PLEKHF1: variants seen among roughly 807,000 people sequenced by gnomAD.
The protein encoded by PLEKHF1 is pleckstrin homology and FYVE domain containing 1.
PLEKHF1 carries 1 observed loss-of-function variant against 4.1 expected under a neutral mutation model. The ratio of observed to expected loss-of-function variants is 0.24; its 90% confidence interval spans 0.09 to 1.15. The LOEUF is 1.15. PLEKHF1 is among the 50% of genes most tolerant of loss of function. PLEKHF1 has a pLI of 0.52. For synonymous variants in PLEKHF1, 182 were observed against 178.5 expected, an observed-to-expected ratio of 1.02 and a Z score of -0.16; for missense variants, 429 against 400.6, an observed-to-expected ratio of 1.07 and a Z score of -0.60.
rs1971633123 is a variant in PLEKHF1 at position 29,671,674 on chromosome 19, G to A, written c.-16-2150G>A. On this transcript the variant is annotated intron_variant, in intron 1 of 1. Transcript: ENST00000436066. The surrounding 1 kb of genome is among the most constrained non-coding windows in gnomAD (Gnocchi z 4.0). ...GCAGTTCTTACGTAAGGTAGTGTGG[G>A]CAGCCCTTCTCAGGACACTTGTGAT... 6.6e-6 allele frequency among the ~76,000 whole-genome samples: 1 copy of A among 152,140 alleles called. No individual in the cohort carries two copies. The highest frequency in any genetic ancestry group is 6.5e-5 in the Admixed American group (1 of 15,284).
At chr19:29,665,951 G>C (rs998604705) in intron 1 of PLEKHF1, among the ~76,000 whole-genome samples, 3 of 152,116 alleles carry the variant, frequency 2.0e-5, no homozygotes, top group African/African-American at 7.2e-5. Flanking sequence ...TGTCCCCCTG[G>C]GCAGGGGCGC....
Position 29,671,092 on chromosome 19 carries a change from T to C in PLEKHF1, c.-16-2732T>C, listed in dbSNP as rs1193454105. ...ACTTGTTATTTATTTTTTGTTTTGT[T>C]TTTTTCCCCTCCTTTTTTTTTTTTT... On this transcript the variant is annotated intron_variant, in intron 1 of 1. Coordinates refer to ENST00000436066, the MANE Select transcript of PLEKHF1 (RefSeq NM_024310.5). This position sits in a 1 kb window ranked among gnomAD's most constrained non-coding sequence, Gnocchi z 4.0. Among the ~76,000 whole-genome samples, 1 of 151,902 alleles carries C rather than the reference T, an allele frequency of 6.6e-6. No individual in the cohort carries two copies. The highest frequency in any genetic ancestry group is 2.4e-5 in the African/African-American group (1 of 41,370).
intron 1 of PLEKHF1, chr19:29,665,760 A>G: frequency 9.3e-7 from 1 of 1,073,588 alleles, no homozygotes; most frequent in South Asian, 2.1e-5. Context: ...CCGAGGCGGA[A>G]TCCCCGGGGA....
In PLEKHF1 at chr19:29,673,950, G is replaced by A. The variant is rs751395650; in HGVS notation, c.111G>A (p.Leu37=). 1 of 1,613,796 alleles carries A rather than the reference G, an allele frequency of 6.2e-7. No individual in the cohort carries two copies. Among genetic ancestry groups the A allele is most frequent in the Non-Finnish European group, 8.5e-7 (1 of 1,179,942 alleles). Residue 37 remains leucine (L), a synonymous_variant, in exon 2 of 2, where the codon CTG becomes CTA. Coordinates refer to ENST00000436066, the MANE Select transcript of PLEKHF1 (RefSeq NM_024310.5). ...TGGCGCTGCCAGGCCGAGTGCTGCTGGGCGAGGGCGTGCTGACCAAAGAGT... is the reference window on the plus strand; with the variant it reads ...TGGCGCTGCCAGGCCGAGTGCTGCTAGGCGAGGGCGTGCTGACCAAAGAGT... The part of the protein sequence containing the change: ...QPLALPGRVL[L]GEGVLTKECR...
chr19:29,673,708 G>A, intron 1 of PLEKHF1, 116 bp from the exon 2 acceptor site: 3 of 1,388,526 alleles, frequency 2.2e-6, no homozygotes, highest in Non-Finnish European at 2.0e-6. Context: ...GCGGGTTACT[G>A]TGCGTAGTCA....
Position 29,674,478 on chromosome 19 carries a change from C to G in PLEKHF1, c.639C>G (p.Ala213=). 1 of 1,543,606 alleles carries G rather than the reference C, an allele frequency of 6.5e-7. No individual in the cohort carries two copies. Among genetic ancestry groups the G allele is most frequent in the Non-Finnish European group, 8.7e-7 (1 of 1,147,748 alleles). The change falls in exon 2 of 2, where the codon GCC becomes GCG. Residue 213 remains alanine, a synonymous_variant. Coordinates refer to ENST00000436066, the MANE Select transcript of PLEKHF1 (RefSeq NM_024310.5). ...GCCTCTGCTACCGCGAACTGGCCGCCCAGCAGCGGCAGGAGGAGGCGGAGG... is the reference window on the plus strand; with the variant it reads ...GCCTCTGCTACCGCGAACTGGCCGCGCAGCAGCGGCAGGAGGAGGCGGAGG... ...VCSLCYRELA[A]QQRQEEAEEQ... is the part of the protein sequence containing the mutation.
rs186386165 is a variant in PLEKHF1, at chr19:29,669,652, G to T, written c.-17+4147G>T. ...TTTTCCTTTTGAAGACCTTAAATTAGAAGAAGCAACACGTGTTCCCATTTC... is the reference window on the plus strand; with the variant it reads ...TTTTCCTTTTGAAGACCTTAAATTATAAGAAGCAACACGTGTTCCCATTTC... On this transcript the variant is annotated intron_variant, in intron 1 of 1. Transcript: ENST00000436066. Among the ~76,000 whole-genome samples the T allele has an allele frequency of 2.8e-3, 434 of 152,328 alleles. 6 individuals carry two copies. The highest frequency in any genetic ancestry group is 9.5e-3 in the African/African-American group (397 of 41,576).
chr19:29,674,570 G>A lies in PLEKHF1; in HGVS notation c.731G>A (p.Gly244Glu), dbSNP rs1971680647. 1 of 1,601,118 alleles carries A rather than the reference G, an allele frequency of 6.2e-7. No homozygotes were observed. Among genetic ancestry groups the A allele is most frequent in the Non-Finnish European group, 8.5e-7 (1 of 1,174,780 alleles). The change falls in exon 2 of 2, where the codon GGA becomes GAA. Residue 244 changes from glycine (G) to glutamate (E), a missense_variant. Coordinates refer to ENST00000436066, the MANE Select transcript of PLEKHF1 (RefSeq NM_024310.5). ...CGGCCCATCTGCGGAGCGTCCAGTGGAGATGACGATGACTCCGACGAGGAC... is the reference window on the plus strand; with the variant it reads ...CGGCCCATCTGCGGAGCGTCCAGTGAAGATGACGATGACTCCGACGAGGAC... ...LARPICGASS[G>E]DDDDSDEDKE...
chr19:29,672,735 G>A (rs1399134087), intron 1 of PLEKHF1, among the ~76,000 whole-genome samples: 2 of 152,172 alleles, frequency 1.3e-5, no homozygotes, highest in Admixed American at 6.5e-5. Context: ...GTCTGCGGAG[G>A]TTTGTTGTTG....
In PLEKHF1 at chr19:29,665,739, G is replaced by A. The variant is rs993056868; in HGVS notation, c.-17+234G>A. The A allele has an allele frequency of 1.3e-5, 14 of 1,080,608 alleles. No individual in the cohort carries two copies. In the East Asian group the frequency reaches 8.8e-4, roughly 68 times the overall value. The allele number at this position is 1,080,608 out of a possible 1,614,324, so 66.9% of individuals were successfully genotyped here. A position where few individuals can be genotyped will look rare whatever the true frequency, so the allele number is the denominator to read the frequency against. ...AGGGAGCCTGGGGAGAGCGGTCAGG[G>A]GTCAGAGCGTCCGAGGCGGAATCCC... On this transcript the variant is annotated intron_variant, in intron 1 of 1. Coordinates refer to ENST00000436066, the MANE Select transcript of PLEKHF1 (RefSeq NM_024310.5).
chr19:29,666,443 A>G (rs920457302), intron 1 of PLEKHF1, among the ~76,000 whole-genome samples: 2 of 152,116 alleles, frequency 1.3e-5, no homozygotes, highest in African/African-American at 4.8e-5. Flanking sequence ...GCCAAAACAC[A>G]GGCCAGGCAG....
Position 29,674,585 on chromosome 19 carries a change from C to T in PLEKHF1, c.746C>T (p.Ser249Phe). 1 of 1,604,558 alleles carries T rather than the reference C, an allele frequency of 6.2e-7. No homozygotes were observed. The highest frequency in any genetic ancestry group is 8.5e-7 in the Non-Finnish European group (1 of 1,176,334). The change falls in exon 2 of 2, where the codon TCC (serine) becomes TTC (phenylalanine). Residue 249 changes from serine to phenylalanine, a missense_variant. Physicochemically the swap from Ser to Phe is radical, Grantham distance 155 (BLOSUM62 -2). Transcript: ENST00000436066. ...GCGTCCAGTGGAGATGACGATGACT[C>T]CGACGAGGACAAGGAGGGCAGCAGG... ...CGASSGDDDD[S>F]DEDKEGSRDG...
chr19:29,667,852 TC>T (rs2145585777), intron 1 of PLEKHF1, among the ~76,000 whole-genome samples: 1 of 151,688 alleles, frequency 6.6e-6, no homozygotes, highest in East Asian at 2.0e-4. Context: ...GCTAACCTTT[TC>T]TCTCAAGAGC....
At chr19:29,665,893 C>A in intron 1 of PLEKHF1, 1 of 807,528 alleles carries the variant, frequency 1.2e-6, no homozygotes. Context: ...CCGCCGGGAC[C>A]TCTCTTCTCA....
rs559048534 is a variant in PLEKHF1, at chr19:29,668,047, A to G, written c.-17+2542A>G. 7.2e-5 allele frequency among the ~76,000 whole-genome samples: 11 copies of G among 152,310 alleles called. No individual in the cohort carries two copies. In the South Asian group the frequency reaches 1.5e-3, roughly 20 times the overall value. On this transcript the variant is annotated intron_variant, in intron 1 of 1. Coordinates refer to ENST00000436066, the MANE Select transcript of PLEKHF1 (RefSeq NM_024310.5). ...CAGAACCTGGCTTCATGGCTTCTGC[A>G]GCCACACGGGGGCTCTCAGGATGTG...
At position 29,674,709 on chromosome 19, in the gene PLEKHF1, G is replaced by C. The variant is rs1405983053; in HGVS notation, c.*30G>C. 6.4e-7 allele frequency: 1 copy of C among 1,567,678 alleles called. No homozygotes were observed. The highest frequency in any genetic ancestry group is 1.3e-5 in the African/African-American group (1 of 74,152). ...CGGCCTGCAGAACATCTGTCCCCAA[G>C]CCAGCTCCACTGCCCAGGCCCCCAA... is the stretch of plus-strand genomic sequence containing the variant. On this transcript the variant is annotated 3_prime_UTR_variant, in exon 2 of 2. Coordinates refer to ENST00000436066, the MANE Select transcript of PLEKHF1 (RefSeq NM_024310.5).
In PLEKHF1 at chr19:29,673,995, G is replaced by A. The variant is rs371222738; in HGVS notation, c.156G>A (p.Pro52=). 14 of 1,613,974 alleles carry A rather than the reference G, an allele frequency of 8.7e-6. No individual in the cohort carries two copies. The African/African-American group carries it at 1.1e-4, about 12-fold the overall frequency. The change falls in exon 2 of 2, where the codon CCG becomes CCA. Residue 52 remains proline (P), a synonymous_variant. Coordinates refer to ENST00000436066, the MANE Select transcript of PLEKHF1 (RefSeq NM_024310.5). ...LTKECRKKAK[P]RIFFLFNDIL... is the part of the protein sequence containing the mutation. The stretch of plus-strand genomic sequence containing the variant: ...AAGAGTGCCGCAAGAAGGCCAAGCC[G>A]CGCATCTTCTTCCTCTTTAACGACA...
Position 29,674,594 on chromosome 19 carries a change from A to T in PLEKHF1, c.755A>T (p.Asp252Val), listed in dbSNP as rs1469195027. The change falls in exon 2 of 2, where the codon GAC becomes GTC. Residue 252 changes from aspartate to valine, a missense_variant. By Grantham distance (152) the Asp-to-Val change is radical (BLOSUM62 -3). Coordinates refer to ENST00000436066, the MANE Select transcript of PLEKHF1 (RefSeq NM_024310.5). ...GGAGATGACGATGACTCCGACGAGG[A>T]CAAGGAGGGCAGCAGGGACGGCGAC... The part of the protein sequence containing the change: ...SSGDDDDSDE[D>V]KEGSRDGDWP... 1 of 1,606,920 alleles carries T rather than the reference A, an allele frequency of 6.2e-7. No individual in the cohort carries two copies.
chr19:29,674,217 C>G lies in PLEKHF1; in HGVS notation c.378C>G (p.Ile126Met), dbSNP rs143695724. 110 of 1,612,330 alleles carry G rather than the reference C, an allele frequency of 6.8e-5. No individual in the cohort carries two copies. Among genetic ancestry groups the G allele is most frequent in the Non-Finnish European group, 8.0e-5 (94 of 1,179,792 alleles). Residue 126 changes from isoleucine (I) to methionine (M), a missense_variant, in exon 2 of 2, where the codon ATC becomes ATG. Coordinates refer to ENST00000436066, the MANE Select transcript of PLEKHF1 (RefSeq NM_024310.5). ...AGCGCCAGGAATGGATTAGCCACAT[C>G]GAGGAGTGCGTGCGGCGGCAACTGA... is the stretch of plus-strand genomic sequence containing the variant. ...ATERQEWISH[I>M]EECVRRQLRA...
Sources: allele counts gnomAD v4.1 joint callset (sites outside exome capture counted in the v4.1 genomes callset), GRCh38; gene constraint gnomAD v4.1.1; non-coding constraint Gnocchi (gnomAD v3.1); transcripts MANE v1.5; gene names NCBI Gene and HGNC (gene_info 2026-07-23, HGNC 2026-07-21).